Variants in MSL3 observed in about 807,000 individuals in gnomAD.
The protein encoded by MSL3 is MSL complex subunit 3, also known as MSL3-like 1.
A neutral mutation model predicts 37.2 loss-of-function variants in MSL3; 5 were observed. That is an observed-to-expected ratio of 0.13 (90% CI 0.07 to 0.28). The LOEUF is 0.28. Ranked by LOEUF, MSL3 falls within the 10% of genes least tolerant of loss-of-function variation. The pLI is 1.00. For synonymous variants in MSL3, 149 were observed against 147.6 expected (o/e 1.01, Z -0.07); for missense variants, 315 against 408.5 (o/e 0.77, Z 1.97).
intron 6 of MSL3, 79 bp from the exon 7 acceptor site, chrX:11,762,754 TACAG>T: frequency 1.1e-6 from 1 of 928,753 alleles, no homozygotes; most frequent in Non-Finnish European, 1.5e-6. Flanking sequence ...TAAAAAATGA[TACAG>T]ACATGACCAG....
intron 12 of MSL3, among the ~76,000 whole-genome samples, chrX:11,773,970 C>T (rs768772502): frequency 8.9e-6 from 1 of 112,114 alleles, no homozygotes; most frequent in African/African-American, 3.2e-5. Flanking sequence ...AGGTGGGAGT[C>T]ACTGGGAAGC....
rs1047535400 is a variant in MSL3, at chrX:11,771,159, G to C, written c.1282-997G>C. ...TGACTATATCAGTGTTTCTGAGTTT[G>C]TGGGGGCATCTTTCTTTCTGCTTTG... On this transcript the variant is annotated intron_variant, in intron 10 of 12. Coordinates refer to ENST00000312196, the MANE Select transcript of MSL3 (RefSeq NM_078629.4). Among the ~76,000 whole-genome samples, 6 of 112,616 alleles carry C rather than the reference G, an allele frequency of 5.3e-5. No individual in the cohort carries two copies. In the Admixed American group the frequency reaches 5.6e-4, roughly 11 times the overall value.
chrX:11,765,803 G>A lies in MSL3; in HGVS notation c.1171+74G>A, dbSNP rs1213063021. 1.7e-6 allele frequency: 2 copies of A among 1,178,566 alleles called. No homozygotes were observed. Among genetic ancestry groups the A allele is most frequent in the South Asian group, 1.9e-5 (1 of 51,770 alleles). On this transcript the variant is annotated intron_variant, in intron 9 of 12. Transcript: ENST00000312196. ...TTGTGTTTAGTCAGTGCCAGGCATG[G>A]TGCTGAGGTTACATGTGTGTGTGTA...
At chrX:11,773,966 G>A (rs897763249) in intron 12 of MSL3, among the ~76,000 whole-genome samples, 1 of 112,180 alleles carries the variant, frequency 8.9e-6, no homozygotes. Flanking sequence ...GGGCAGGTGG[G>A]AGTCACTGGG....
intron 10 of MSL3, among the ~76,000 whole-genome samples, chrX:11,769,707 G>A (rs1000204598): frequency 2.7e-5 from 3 of 112,115 alleles, no homozygotes; most frequent in Non-Finnish European, 5.6e-5. Flanking sequence ...GGGCTCAGGC[G>A]ATCCTCCCAC....
At chrX:11,758,820 G>T (rs1332828185) in intron 1 of MSL3, 4 of 1,122,846 alleles carry the variant, frequency 3.6e-6, no homozygotes, top group Middle Eastern at 4.8e-4. Flanking sequence ...TTGCGACGTT[G>T]TGTCCCTGGG....
At chrX:11,773,440 A>C (rs1362724282) in intron 12 of MSL3, among the ~76,000 whole-genome samples, 3 of 112,021 alleles carry the variant, frequency 2.7e-5, no homozygotes, top group Non-Finnish European at 5.6e-5. Context: ...CTGACTTATC[A>C]AGTAGGATTT....
At chrX:11,767,692 C>A (rs2053197072) in intron 9 of MSL3, 1 of 132,803 alleles carries the variant, frequency 7.5e-6, no homozygotes, top group Non-Finnish European at 1.4e-5. Context: ...AAGAGTTGGG[C>A]AACCATCACT....
At chrX:11,772,343 TTATC>T (rs377309821) in intron 11 of MSL3, 88 bp downstream of exon 11, 1 of 759,364 alleles carries the variant, frequency 1.3e-6, no homozygotes, top group African/African-American at 2.1e-5. Context: ...TGGGCTATAA[TTATC>T]TAACTAAGAA....
chrX:11,767,237 A>G, intron 9 of MSL3: 1 of 754,926 alleles, frequency 1.3e-6, no homozygotes, highest in Non-Finnish European at 1.6e-6. Context: ...TGAAGAAGGC[A>G]TACCTTTAAG....
chrX:11,758,464 C>T (rs1227206233), intron 1 of MSL3, 99 bp downstream of exon 1: 13 of 938,746 alleles, frequency 1.4e-5, no homozygotes, highest in Middle Eastern at 8.7e-4. Flanking sequence ...AGGGACCGGC[C>T]GGGCTCCTCG....
At chrX:11,760,321 G>T in intron 2 of MSL3, 82 bp from the exon 3 acceptor site, 5 of 601,118 alleles carry the variant, frequency 8.3e-6, no homozygotes, top group Non-Finnish European at 1.0e-5. Context: ...TAATTCTGGG[G>T]CATTTCTATT....
At chrX:11,770,228 C>T (rs545721163) in intron 10 of MSL3, among the ~76,000 whole-genome samples, 1 of 112,144 alleles carries the variant, frequency 8.9e-6, no homozygotes, top group Admixed American at 9.4e-5. Flanking sequence ...CTAGGGGCTA[C>T]AGTTGGCTGA....
At chrX:11,768,878 A>C (rs898033292) in intron 10 of MSL3, 196 bp downstream of exon 10, 4 of 385,089 alleles carry the variant, frequency 1.0e-5, no homozygotes, top group Non-Finnish European at 1.8e-5. Context: ...TTCCAGCCCT[A>C]CACTGACAAT....
chrX:11,762,582 C>T (rs754341190), intron 6 of MSL3, among the ~76,000 whole-genome samples: 1 of 112,150 alleles, frequency 8.9e-6, no homozygotes, highest in Admixed American at 9.4e-5. Flanking sequence ...AGGTTGTTCT[C>T]ACAGATCACT....
intron 1 of MSL3, 138 bp downstream of exon 1, chrX:11,758,503 G>C: frequency 9.8e-7 from 1 of 1,015,442 alleles, no homozygotes; most frequent in Non-Finnish European, 1.3e-6. Context: ...GGCCGGCAGG[G>C]GGCGCTCACA....
Position 11,775,139 on chromosome X carries a change from T to A in MSL3, c.*60T>A. ...CTAGTTTGGCGCTCTGGGTTCCAGGTGAATAACTAACAAGGTGGTGGGTCT... is the reference window on the plus strand; with the variant it reads ...CTAGTTTGGCGCTCTGGGTTCCAGGAGAATAACTAACAAGGTGGTGGGTCT... On this transcript the variant is annotated 3_prime_UTR_variant, in exon 13 of 13. Transcript: ENST00000312196. The A allele has an allele frequency of 1.2e-6, 1 of 862,211 alleles. No homozygotes were observed. The highest frequency in any genetic ancestry group is 2.1e-5 in the South Asian group (1 of 46,975). 71.1% of individuals were successfully genotyped at this position (862,211 alleles called of 1,213,427 possible). A position where few individuals can be genotyped will look rare whatever the true frequency, so the allele number is the denominator to read the frequency against.
At chrX:11,759,038 G>T (rs2147241352) in intron 1 of MSL3, among the ~76,000 whole-genome samples, 1 of 112,312 alleles carries the variant, frequency 8.9e-6, no homozygotes, top group East Asian at 2.8e-4. Context: ...ACATCTTGCA[G>T]CTCCTCAGAT....
intron 5 of MSL3, among the ~76,000 whole-genome samples, 191 bp downstream of exon 5, chrX:11,761,773 T>C (rs918972680): frequency 8.9e-6 from 1 of 112,435 alleles, no homozygotes; most frequent in Non-Finnish European, 1.9e-5. Flanking sequence ...TCAGTGGCTC[T>C]TTATGCCCCT....
Sources: gnomAD v4.1 joint callset for allele counts (sites outside exome capture counted in the v4.1 genomes callset) on GRCh38, gnomAD v4.1.1 for gene constraint, MANE v1.5 for transcripts, NCBI Gene and HGNC (gene_info 2026-07-23, HGNC 2026-07-21) for gene names.